The following PLA2G4E variants were observed in gnomAD, a reference collection of about 807,000 sequenced individuals.
The protein encoded by PLA2G4E is cytosolic phospholipase A2 epsilon.
A neutral mutation model predicts 109.1 loss-of-function variants in PLA2G4E; 84 were observed. The ratio of observed to expected loss-of-function variants is 0.77; its 90% CI spans 0.65 to 0.92. The LOEUF is 0.92. PLA2G4E is among the 40% of genes least tolerant of loss of function. PLA2G4E has a pLI of 0.00. For synonymous variants in PLA2G4E, 469 were observed against 436.1 expected (o/e 1.08, Z -0.94); for missense variants, 1,057 against 1,076.6 (o/e 0.98, Z 0.25).
chr15:41,992,801 T>C, exon 13 of PLA2G4E: 1 of 1,613,740 alleles, frequency 6.2e-7, no homozygotes, highest in Non-Finnish European at 8.5e-7. Context: ...CCTGTAGCCT[T>C]CCTGGCTGCG....
intron 1 of PLA2G4E, among the ~76,000 whole-genome samples, chr15:42,032,631 G>A (rs1222700311): frequency 6.6e-6 from 1 of 152,232 alleles, no homozygotes; most frequent in Non-Finnish European, 1.5e-5. Context: ...GGCAGCCGTG[G>A]TGTGGACCAT....
chr15:41,992,706 G>C (rs750493690), intron 13 of PLA2G4E, 31 bp downstream of exon 13: 1 of 1,600,274 alleles, frequency 6.2e-7, no homozygotes, highest in Non-Finnish European at 8.5e-7. Flanking sequence ...AGCCAGGGCA[G>C]GGTGGGGCCC....
intron 2 of PLA2G4E, among the ~76,000 whole-genome samples, chr15:42,010,413 T>C (rs1022921211): frequency 9.8e-5 from 15 of 152,332 alleles, no homozygotes; most frequent in African/African-American, 3.4e-4. Flanking sequence ...AGAGACAAGA[T>C]TGATCAGACA....
At chr15:42,024,445 C>T (rs752032688) in intron 1 of PLA2G4E, among the ~76,000 whole-genome samples, 10 of 152,186 alleles carry the variant, frequency 6.6e-5, no homozygotes, top group African/African-American at 1.2e-4. Context: ...CTGAGGCCTC[C>T]GACTCCAGGC....
At chr15:42,015,318 C>A (rs1379983986) in intron 1 of PLA2G4E, among the ~76,000 whole-genome samples, 2 of 152,186 alleles carry the variant, frequency 1.3e-5, no homozygotes, top group African/African-American at 4.8e-5. Context: ...CCGGATCATC[C>A]TTCCTGCCTA....
chr15:42,041,645 G>C (rs1246707260), intron 1 of PLA2G4E, among the ~76,000 whole-genome samples: 1 of 152,222 alleles, frequency 6.6e-6, no homozygotes, highest in East Asian at 1.9e-4. Context: ...ATGCCCTAAA[G>C]AAGAGGGAAG....
chr15:42,002,635 A>G lies in PLA2G4E; in HGVS notation c.609+19T>C. ...CAGCCGTGGCCTCTGGAGCTACAGG[A>G]ACCCAGGAAGATAATTACCACCAGC... On this transcript the variant is annotated intron_variant, in intron 6 of 19. Coordinates refer to ENST00000399518, the Ensembl canonical transcript of PLA2G4E. The G allele has an allele frequency of 1.3e-6, 2 of 1,577,206 alleles. No individual in the cohort carries two copies. Among genetic ancestry groups the G allele is most frequent in the Non-Finnish European group, 1.7e-6 (2 of 1,161,014 alleles).
chr15:42,045,326 G>T (rs1239336481), intron 1 of PLA2G4E, among the ~76,000 whole-genome samples: 1 of 152,206 alleles, frequency 6.6e-6, no homozygotes, highest in Non-Finnish European at 1.5e-5. Flanking sequence ...CATGAGCTGG[G>T]GGCCAAGAGT....
chr15:42,043,658 A>G (rs1889359079), intron 1 of PLA2G4E, among the ~76,000 whole-genome samples: 1 of 151,996 alleles, frequency 6.6e-6, no homozygotes, highest in South Asian at 2.1e-4. Context: ...GACCCATAAG[A>G]CAAATGTAGA....
chr15:42,031,480 C>T (rs1889114051), intron 1 of PLA2G4E, among the ~76,000 whole-genome samples: 1 of 152,154 alleles, frequency 6.6e-6, no homozygotes, highest in Admixed American at 6.6e-5. Flanking sequence ...CTCTCTTTGG[C>T]ACTTTCCCAT....
chr15:41,987,534 G>T (rs1380177532), intron 16 of PLA2G4E, among the ~76,000 whole-genome samples, 159 bp from the exon 17 acceptor site: 1 of 152,154 alleles, frequency 6.6e-6, no homozygotes, highest in Admixed American at 6.5e-5. Context: ...ACTGGGGTTA[G>T]GAGGATTCAG....
chr15:42,000,865 C>T (rs911767257), intron 7 of PLA2G4E, among the ~76,000 whole-genome samples: 1 of 152,186 alleles, frequency 6.6e-6, no homozygotes, highest in African/African-American at 2.4e-5. Context: ...AATCTGAGGT[C>T]CTGGCATGGC....
In PLA2G4E at chr15:42,007,713, G is replaced by A; in HGVS notation, c.393+16C>T. On this transcript the variant is annotated intron_variant, in intron 3 of 19. Coordinates refer to ENST00000399518, the Ensembl canonical transcript of PLA2G4E. ...AATGCAGACAGGGAAGACAGGTGCA[G>A]TCCTCCATGTCTCACCTTCACTCGG... 1 of 1,609,048 alleles carries A rather than the reference G, an allele frequency of 6.2e-7. No homozygotes were observed. Among genetic ancestry groups the A allele is most frequent in the Admixed American group, 1.7e-5 (1 of 59,582 alleles).
At chr15:42,004,327 A>G (rs2068451394) in intron 5 of PLA2G4E, among the ~76,000 whole-genome samples, 1 of 151,474 alleles carries the variant, frequency 6.6e-6, no homozygotes, top group Non-Finnish European at 1.5e-5. Context: ...AAAGGAAAGA[A>G]AGGAAAGAAA....
chr15:42,015,742 G>A (rs1222483591), intron 1 of PLA2G4E, among the ~76,000 whole-genome samples: 1 of 152,188 alleles, frequency 6.6e-6, no homozygotes, highest in Non-Finnish European at 1.5e-5. Flanking sequence ...GGCTCCAGAA[G>A]CTTCCCCGCC....
At chr15:42,013,583 GC>G in intron 2 of PLA2G4E, 101 bp downstream of exon 2, 1 of 1,130,396 alleles carries the variant, frequency 8.8e-7, no homozygotes, top group Non-Finnish European at 1.3e-6. Context: ...ACACGTGCGC[GC>G]GCACACACAC....
chr15:42,018,343 G>A (rs2068615941), intron 1 of PLA2G4E, among the ~76,000 whole-genome samples: 1 of 152,158 alleles, frequency 6.6e-6, no homozygotes, highest in Admixed American at 6.5e-5. Flanking sequence ...GTGTGGTGAG[G>A]GCCAAAGCTT....
At chr15:41,982,298 C>G (rs1429048736) in exon 20 of PLA2G4E, 1 of 152,186 alleles carries the variant, frequency 6.6e-6, no homozygotes, top group South Asian at 2.1e-4. Flanking sequence ...TATACATTTC[C>G]TTGGTTATGT....
chr15:42,025,487 T>TC (rs1313845409), intron 1 of PLA2G4E, among the ~76,000 whole-genome samples: 2 of 151,850 alleles, frequency 1.3e-5, no homozygotes, highest in African/African-American at 4.8e-5. Flanking sequence ...CAGGCATACC[T>TC]CCCCCCACCC....
Sources: gnomAD v4.1 joint callset for allele counts (sites outside exome capture counted in the v4.1 genomes callset) on GRCh38, gnomAD v4.1.1 for gene constraint, MANE v1.5 for transcripts, NCBI Gene and HGNC (gene_info 2026-07-23, HGNC 2026-07-21) for gene names.